Variants in ULK4 observed in about 807,000 individuals in gnomAD.
ULK4 encodes unc-51 like kinase 4, also known as inactive serine/threonine-protein kinase ULK4.
ULK4 carries 133 observed loss-of-function variants against 160.6 expected under a neutral mutation model. The observed-to-expected ratio is 0.83, with a 90% CI of 0.72 to 0.96. The LOEUF (loss-of-function observed/expected upper bound fraction) is 0.96, where lower values mean the gene tolerates loss of function less well. ULK4 is among the 40% of genes least tolerant of loss of function. The probability of loss-of-function intolerance (pLI) is 0.00; values close to 1 mark genes in which losing one functional copy is unlikely to be tolerated. For synonymous variants in ULK4, 534 were observed against 539.8 expected (o/e 0.99, Z 0.15); for missense variants, 1,580 against 1,499.5 (o/e 1.05, Z -0.89).
chr3:41,717,826 G>T lies in ULK4; in HGVS notation c.2357C>A (p.Thr786Asn), dbSNP rs529332889. 3 of 1,614,100 alleles carry T rather than the reference G, an allele frequency of 1.9e-6. No homozygotes were observed. Among genetic ancestry groups the T allele is most frequent in the South Asian group, 2.2e-5 (2 of 91,074 alleles). The change falls in exon 23 of 37, where the codon ACC (threonine) becomes AAC (asparagine). Residue 786 changes from threonine to asparagine, a missense_variant. By Grantham distance (65) the Thr-to-Asn change is moderately conservative (BLOSUM62 0). Transcript: ENST00000301831. Reference protein sequence around the residue: ...VMYIERDSRKTTPGKEQQSGN... With the variant: ...VMYIERDSRKNTPGKEQQSGN... ...ACTTTGCTGCTCCTTGCCTGGAGTG[G>T]TCTTTCTGCTGTCTCTCTCGATGTA...
chr3:41,934,416 G>A (rs750561382), intron 4 of ULK4, among the ~76,000 whole-genome samples: 2 of 151,962 alleles, frequency 1.3e-5, no homozygotes, highest in Non-Finnish European at 2.9e-5. Flanking sequence ...TTCTTTCCTT[G>A]GCACATATTA....
chr3:41,899,612 A>AT (rs1330277713), intron 13 of ULK4, among the ~76,000 whole-genome samples: 1 of 151,854 alleles, frequency 6.6e-6, no homozygotes, highest in African/African-American at 2.4e-5. Context: ...TTTTTTTGCA[A>AT]TTTTTTTTGT....
intron 30 of ULK4, among the ~76,000 whole-genome samples, chr3:41,653,024 G>T (rs1165562289): frequency 6.6e-6 from 1 of 152,176 alleles, no homozygotes; most frequent in Non-Finnish European, 1.5e-5. Context: ...TATTTGTGAT[G>T]CTTTGATATC....
chr3:41,529,929 G>C (rs1188595051), intron 32 of ULK4, among the ~76,000 whole-genome samples: 1 of 152,180 alleles, frequency 6.6e-6, no homozygotes, highest in Admixed American at 6.5e-5. Context: ...ATCCTGAATA[G>C]GCAAATCCAT....
chr3:41,461,691 A>G (rs1182881244), intron 33 of ULK4, among the ~76,000 whole-genome samples: 1 of 152,230 alleles, frequency 6.6e-6, no homozygotes, highest in African/African-American at 2.4e-5. Context: ...AACATCCCTG[A>G]ATATCTACCT....
chr3:41,384,947 C>T (rs562837319), intron 35 of ULK4, among the ~76,000 whole-genome samples: 3 of 152,018 alleles, frequency 2.0e-5, no homozygotes, highest in Non-Finnish European at 2.9e-5. Context: ...CCCAGCTACT[C>T]GGAAGGCTGA....
At chr3:41,776,700 C>T (rs867048859) in intron 21 of ULK4, among the ~76,000 whole-genome samples, 9 of 116,634 alleles carry the variant, frequency 7.7e-5, no homozygotes, top group Non-Finnish European at 1.3e-4. Flanking sequence ...TTGTCTTTGG[C>T]TCTGTTTATA....
intron 35 of ULK4, among the ~76,000 whole-genome samples, chr3:41,295,558 A>T (rs2125706568): frequency 7.5e-6 from 1 of 132,900 alleles, no homozygotes; most frequent in East Asian, 2.0e-4. Context: ...TGTTATAAAA[A>T]ATACACAAAG....
chr3:41,789,741 T>C lies in ULK4; in HGVS notation c.2113A>G (p.Lys705Glu). 2 of 1,613,854 alleles carry C rather than the reference T, an allele frequency of 1.2e-6. No individual in the cohort carries two copies. The highest frequency in any genetic ancestry group is 1.7e-6 in the Non-Finnish European group (2 of 1,179,864). The part of the protein sequence containing the change: ...VINSLASAIC[K>E]VQQYMLTLFA... ...AAGGTCAACATGTACTGCTGAACTT[T>C]GCAGATGGCAGAGGCCAGGGAGTTT... Residue 705 changes from lysine (K) to glutamate (E), a missense_variant, in exon 21 of 37, where the codon AAA (lysine) becomes GAA (glutamate). Lys to Glu is a moderately conservative substitution (Grantham distance 56). Coordinates refer to ENST00000301831, the MANE Select transcript of ULK4 (RefSeq NM_017886.4).
At chr3:41,527,025 A>G (rs1259139087) in intron 32 of ULK4, among the ~76,000 whole-genome samples, 1 of 152,252 alleles carries the variant, frequency 6.6e-6, no homozygotes, top group African/African-American at 2.4e-5. Context: ...ATTATTTGTT[A>G]GAGTCCATTA....
chr3:41,958,843 TTC>T (rs1438614254), intron 1 of ULK4, among the ~76,000 whole-genome samples: 2 of 152,230 alleles, frequency 1.3e-5, no homozygotes, highest in Non-Finnish European at 2.9e-5. Flanking sequence ...ACCTTATGGT[TTC>T]TGTCACAGCT....
In ULK4 at chr3:41,262,876, C is replaced by A. The variant is rs371089234; in HGVS notation, c.3679-13302G>T. ...TTTGGGAAGTCTTTTAGGCCTGATC[C>A]AACTAACTAACTACAACAGCCAGTT... is the stretch of plus-strand genomic sequence containing the variant. On this transcript the variant is annotated intron_variant, in intron 35 of 36. Transcript: ENST00000301831. Among the ~76,000 whole-genome samples the A allele has an allele frequency of 2.0e-5, 3 of 151,318 alleles. No individual in the cohort carries two copies. In the South Asian group the frequency reaches 6.2e-4, roughly 31 times the overall value.
intron 17 of ULK4, among the ~76,000 whole-genome samples, chr3:41,879,981 G>A (rs552524079): frequency 7.9e-5 from 12 of 152,188 alleles, no homozygotes; most frequent in South Asian, 2.1e-4. Context: ...TTAGCTGGGC[G>A]TGGTAGTGCA....
chr3:41,812,227 GTGAACAGTGA>G (rs2040839054), intron 19 of ULK4, among the ~76,000 whole-genome samples: 1 of 152,214 alleles, frequency 6.6e-6, no homozygotes, highest in Non-Finnish European at 1.5e-5. Flanking sequence ...CGAGGCTGCA[GTGAACAGTGA>G]TCACACCACT....
chr3:41,457,872 C>T (rs2083591088), intron 33 of ULK4, among the ~76,000 whole-genome samples: 1 of 152,180 alleles, frequency 6.6e-6, no homozygotes, highest in Non-Finnish European at 1.5e-5. Context: ...GATCCCCTAG[C>T]TGTTATAACC....
chr3:41,740,736 C>G (rs1267544376), intron 22 of ULK4, among the ~76,000 whole-genome samples: 1 of 151,932 alleles, frequency 6.6e-6, no homozygotes, highest in Admixed American at 6.6e-5. Flanking sequence ...CATTCTCAGG[C>G]AGATGGGCAG....
chr3:41,899,032 C>T (rs1698262122), intron 13 of ULK4: 1 of 153,088 alleles, frequency 6.5e-6, no homozygotes, highest in Non-Finnish European at 1.5e-5. Context: ...ACAGCAAGCA[C>T]TTTAGTTGAT....
chr3:41,432,544 A>T (rs2082936840), intron 34 of ULK4, among the ~76,000 whole-genome samples: 1 of 152,150 alleles, frequency 6.6e-6, no homozygotes, highest in Non-Finnish European at 1.5e-5. Flanking sequence ...GTACAAAAGA[A>T]TCACTATCAA....
chr3:41,385,236 C>T (rs894259495), intron 35 of ULK4, among the ~76,000 whole-genome samples: 7 of 152,028 alleles, frequency 4.6e-5, no homozygotes, highest in East Asian at 1.9e-4. Context: ...CACAGGTGCC[C>T]GTCCTATGAT....
Sources: gnomAD v4.1 joint callset for allele counts (sites outside exome capture counted in the v4.1 genomes callset) on GRCh38, gnomAD v4.1.1 for gene constraint, MANE v1.5 for transcripts, NCBI Gene and HGNC (gene_info 2026-07-23, HGNC 2026-07-21) for gene names.